TJAP1: variants seen among roughly 807,000 people sequenced by gnomAD.
The protein encoded by TJAP1 is tight junction associated protein 1.
TJAP1 carries 27 observed loss-of-function variants against 42.0 expected under a neutral mutation model. The observed-to-expected ratio is 0.64, with a 90% confidence interval of 0.47 to 0.89. TJAP1 has a LOEUF of 0.89. Ranked by LOEUF, TJAP1 falls within the 40% of genes least tolerant of loss-of-function variation. The pLI is 0.00. For synonymous variants in TJAP1, 257 were observed against 288.4 expected, an observed-to-expected ratio of 0.89 and a Z score of 1.10; for missense variants, 712 against 726.9, an observed-to-expected ratio of 0.98 and a Z score of 0.24.
intron 4 of TJAP1, among the ~76,000 whole-genome samples, chr6:43,499,666 C>T (rs181678776): frequency 1.3e-5 from 2 of 152,380 alleles, no homozygotes; most frequent in African/African-American, 4.8e-5. Flanking sequence ...GGCTCTCCTG[C>T]CCCATTAACT....
Position 43,491,825 on chromosome 6 carries a change from A to G in TJAP1, c.-121-6056A>G, listed in dbSNP as rs796564044. ...GTGTACTATGTACAAATAAACATTT[A>G]TAGTACTATATATTATTCATGGGGA... On this transcript the variant is annotated intron_variant, in intron 2 of 10. Transcript: ENST00000372449. This position sits in a 1 kb window ranked among gnomAD's most constrained non-coding sequence, Gnocchi z 4.6. Among the ~76,000 whole-genome samples the G allele has an allele frequency of 6.6e-6, 1 of 152,218 alleles. No individual in the cohort carries two copies. The highest frequency in any genetic ancestry group is 1.5e-5 in the Non-Finnish European group (1 of 68,044).
intron 2 of TJAP1, among the ~76,000 whole-genome samples, chr6:43,496,612 T>C (rs904107453): frequency 6.6e-6 from 1 of 152,114 alleles, no homozygotes; most frequent in Non-Finnish European, 1.5e-5. Flanking sequence ...AGACCACTCC[T>C]GCTTCCCCAC....
At chr6:43,482,609 C>G (rs1785547362) in intron 2 of TJAP1, among the ~76,000 whole-genome samples, 1 of 152,182 alleles carries the variant, frequency 6.6e-6, no homozygotes, top group Non-Finnish European at 1.5e-5. Flanking sequence ...TATGCTGTGT[C>G]ATAATTGCCT....
chr6:43,489,335 C>T (rs1324049305), intron 2 of TJAP1, among the ~76,000 whole-genome samples: 1 of 152,202 alleles, frequency 6.6e-6, no homozygotes, highest in Non-Finnish European at 1.5e-5. Context: ...GGCTGGTTCC[C>T]TGGGAAGTGC....
chr6:43,482,558 G>T (rs1656676981), intron 2 of TJAP1, among the ~76,000 whole-genome samples: 1 of 152,030 alleles, frequency 6.6e-6, no homozygotes. Flanking sequence ...TCTCACCCCT[G>T]CCCCCTTGAG....
At position 43,495,501 on chromosome 6, in the gene TJAP1, C is replaced by T. The variant is rs770370667; in HGVS notation, c.-121-2380C>T. 1.7e-4 allele frequency among the ~76,000 whole-genome samples: 26 copies of T among 152,290 alleles called. No individual in the cohort carries two copies. The highest frequency in any genetic ancestry group is 2.9e-4 in the Non-Finnish European group (20 of 68,022). ...GGAAGTGGTTGGTACACATCTCCCT[C>T]GCAGCCTGGTGTTGAGGAACACCAT... On this transcript the variant is annotated intron_variant, in intron 2 of 10. Coordinates refer to ENST00000372449, the Ensembl canonical transcript of TJAP1. This position sits in a 1 kb window ranked among gnomAD's most constrained non-coding sequence, Gnocchi z 4.6.
rs529383540 is a variant in TJAP1 at position 43,492,165 on chromosome 6, T to G, written c.-121-5716T>G. 6.6e-6 allele frequency among the ~76,000 whole-genome samples: 1 copy of G among 152,338 alleles called. No individual in the cohort carries two copies. Among genetic ancestry groups the G allele is most frequent in the Admixed American group, 6.5e-5 (1 of 15,306 alleles). ...ATAGACTTGGAAGTGTTTGCTCATG[T>G]GGGAGCCAGATGAGCTCTCACAGGT... On this transcript the variant is annotated intron_variant, in intron 2 of 10. Coordinates refer to ENST00000372449, the Ensembl canonical transcript of TJAP1. This position sits in a 1 kb window ranked among gnomAD's most constrained non-coding sequence, Gnocchi z 4.2.
chr6:43,502,139 C>T lies in TJAP1; in HGVS notation c.291-144C>T, dbSNP rs978668441. 65 of 618,894 alleles carry T rather than the reference C, an allele frequency of 1.1e-4. 1 individual carries two copies. The highest frequency in any genetic ancestry group is 9.7e-4 in the African/African-American group (51 of 52,396). 38.3% of individuals were successfully genotyped at this position (618,894 alleles called of 1,614,324 possible). On this transcript the variant is annotated intron_variant, in intron 6 of 10. Transcript: ENST00000372449. The stretch of plus-strand genomic sequence containing the variant: ...TTCATAGGAGGTTAGCTGGAAGATG[C>T]CTTAGAGATCATCTAATTCCTATTA...
exon 11 of TJAP1, chr6:43,504,913 C>T: frequency 6.2e-7 from 1 of 1,614,196 alleles, no homozygotes; most frequent in Non-Finnish European, 8.5e-7. Flanking sequence ...CTCTACTGCT[C>T]AATTCAGCCC....
intron 2 of TJAP1, among the ~76,000 whole-genome samples, chr6:43,485,248 A>G (rs566141849): frequency 6.6e-6 from 1 of 152,360 alleles, no homozygotes; most frequent in East Asian, 1.9e-4. Context: ...ACATCCAGGC[A>G]TTGAGGAAGC....
At chr6:43,483,855 T>C (rs1184995601) in intron 2 of TJAP1, among the ~76,000 whole-genome samples, 1 of 152,076 alleles carries the variant, frequency 6.6e-6, no homozygotes, top group Non-Finnish European at 1.5e-5. Flanking sequence ...GGCCAAGAGT[T>C]TGAAGCCAGA....
intron 2 of TJAP1, among the ~76,000 whole-genome samples, chr6:43,490,209 G>C (rs917933174): frequency 6.6e-6 from 1 of 152,212 alleles, no homozygotes; most frequent in Non-Finnish European, 1.5e-5. Context: ...TGTGGGTGGG[G>C]ATGTGCCCCC....
At chr6:43,487,119 TGTTA>T (rs1476957691) in intron 2 of TJAP1, among the ~76,000 whole-genome samples, 1 of 152,204 alleles carries the variant, frequency 6.6e-6, no homozygotes, top group Non-Finnish European at 1.5e-5. Flanking sequence ...ACCTCTTCTT[TGTTA>T]GTTACTATCT....
chr6:43,487,703 G>A (rs1319857339), intron 2 of TJAP1, among the ~76,000 whole-genome samples: 2 of 152,058 alleles, frequency 1.3e-5, no homozygotes, highest in Non-Finnish European at 2.9e-5. Flanking sequence ...GGAACTGTTG[G>A]TTTCACCATA....
At chr6:43,483,503 C>T (rs1785761150) in intron 2 of TJAP1, among the ~76,000 whole-genome samples, 1 of 152,210 alleles carries the variant, frequency 6.6e-6, no homozygotes, top group Non-Finnish European at 1.5e-5. Flanking sequence ...TTCTTTGAAC[C>T]TCTGTTTTGG....
At chr6:43,489,210 G>A (rs956652117) in intron 2 of TJAP1, among the ~76,000 whole-genome samples, 6 of 152,206 alleles carry the variant, frequency 3.9e-5, no homozygotes, top group African/African-American at 1.4e-4. Context: ...CTTCCCCCAG[G>A]GTGGTCTGGA....
chr6:43,498,561 G>GA lies in TJAP1; in HGVS notation c.-24-410dup, dbSNP rs574014987. Reference sequence around the variant, plus strand: ...CAAGACCCTGTCTCAAAAAAGAAAAGAAAAAAAGAAATTGATGCTGTTTTA... The same window carrying GA: ...CAAGACCCTGTCTCAAAAAAGAAAAGAAAAAAAAGAAATTGATGCTGTTTTA... On this transcript the variant is annotated intron_variant, in intron 3 of 10. Transcript: ENST00000372449. Among the ~76,000 whole-genome samples the GA allele has an allele frequency of 1.6e-4, 24 of 152,202 alleles. No individual in the cohort carries two copies. The East Asian group carries it at 4.1e-3, about 26-fold the overall frequency.
At chr6:43,494,005 T>C (rs1788428283) in intron 2 of TJAP1, among the ~76,000 whole-genome samples, 1 of 152,230 alleles carries the variant, frequency 6.6e-6, no homozygotes, top group Non-Finnish European at 1.5e-5. Flanking sequence ...GTCTACACTC[T>C]GCTCAGCTGT....
chr6:43,486,336 C>T (rs1431842198), intron 2 of TJAP1, among the ~76,000 whole-genome samples: 1 of 148,376 alleles, frequency 6.7e-6, no homozygotes, highest in Non-Finnish European at 1.5e-5. Flanking sequence ...TGAGTACGTA[C>T]CAGTAGCTTT....
Sources: gnomAD v4.1 joint callset for allele counts (sites outside exome capture counted in the v4.1 genomes callset) on GRCh38, gnomAD v4.1.1 for gene constraint, Gnocchi (gnomAD v3.1) non-coding constraint, MANE v1.5 for transcripts, NCBI Gene and HGNC (gene_info 2026-07-23, HGNC 2026-07-21) for gene names.